Variants in INSL6 observed in about 807,000 individuals in gnomAD.
INSL6 encodes the protein insulin like 6.
Under a neutral mutation model 9.4 loss-of-function variants are expected in INSL6, and 16 were observed. The ratio of observed to expected loss-of-function variants is 1.70; its 90% CI spans 1.15 to 2.59. INSL6 has a LOEUF of 2.59. Among genes scored for constraint, INSL6 ranks in the 30% most tolerant of loss-of-function variants. The probability of loss-of-function intolerance (pLI) is 0.00; values close to 1 mark genes in which losing one functional copy is unlikely to be tolerated. For missense variants in INSL6, 391 were observed against 257.3 expected (o/e 1.52, Z -3.56); for synonymous variants, 154 against 96.9 (o/e 1.59, Z -3.46).
intron 1 of INSL6, among the ~76,000 whole-genome samples, chr9:5,171,561 A>T (rs1277800413): frequency 6.6e-6 from 1 of 152,248 alleles, no homozygotes; most frequent in East Asian, 1.9e-4. Flanking sequence ...TGCAGATGAC[A>T]TGCAAACATA....
At chr9:5,091,496 G>A in the INSL6 span, 1 of 152,134 alleles carries the variant, frequency 6.6e-6, no homozygotes, top group Non-Finnish European at 1.5e-5. Flanking sequence ...GTTGATTCAT[G>A]AGGATTTTGT....
the INSL6 span, among the ~76,000 whole-genome samples, chr9:5,101,925 T>TA: frequency 6.6e-6 from 1 of 152,082 alleles, no homozygotes; most frequent in Admixed American, 6.6e-5. Context: ...CAAAAGTAGA[T>TA]AAAACCACAA....
At chr9:5,111,349 C>G in the INSL6 span, 1 of 410,272 alleles carries the variant, frequency 2.4e-6, no homozygotes, top group Non-Finnish European at 4.7e-6. Flanking sequence ...AAGGGGACCT[C>G]CCGGTACTAC....
intron 3 of INSL6, chr9:5,125,858 A>G (rs1290922645): frequency 6.6e-6 from 1 of 151,990 alleles, no homozygotes. Flanking sequence ...AGAGCTGTCT[A>G]TATTGAAAAT....
chr9:5,126,275 G>C (rs1438701733), intron 3 of INSL6: 2 of 1,260,556 alleles, frequency 1.6e-6, no homozygotes, highest in African/African-American at 1.5e-5. Context: ...AGGAAATTGA[G>C]AAAGAATTTT....
At chr9:5,081,968 G>GA in the INSL6 span, 67 of 869,080 alleles carry the variant, frequency 7.7e-5, no homozygotes, top group Non-Finnish European at 9.1e-5. Context: ...AGTGCTTGTA[G>GA]AAAAAAAAGG....
At chr9:5,150,700 C>T (rs1176434797) in intron 2 of INSL6, among the ~76,000 whole-genome samples, 2 of 152,048 alleles carry the variant, frequency 1.3e-5, no homozygotes, top group Admixed American at 6.5e-5. Context: ...CTATTTAATC[C>T]AGCAAACTCA....
chr9:4,993,686 A>C, the INSL6 span, among the ~76,000 whole-genome samples: 1 of 152,160 alleles, frequency 6.6e-6, no homozygotes. Context: ...GGCTCCCATG[A>C]AGTTTCCTCA....
At chr9:5,095,407 C>G in the INSL6 span, among the ~76,000 whole-genome samples, 1 of 152,160 alleles carries the variant, frequency 6.6e-6, no homozygotes, top group East Asian at 1.9e-4. Context: ...CAAATATTTT[C>G]TTACACAAGC....
chr9:5,080,472 A>G, the INSL6 span: 9 of 1,539,142 alleles, frequency 5.8e-6, no homozygotes, highest in East Asian at 9.1e-5. Flanking sequence ...ATCTAATTTT[A>G]AAAAGAAGGT....
chr9:5,182,601 G>T (rs1457812624), intron 1 of INSL6, among the ~76,000 whole-genome samples: 1 of 151,880 alleles, frequency 6.6e-6, no homozygotes, highest in Non-Finnish European at 1.5e-5. Context: ...TATATAAAGA[G>T]AAGGGCCCTT....
At chr9:5,050,944 C>G in the INSL6 span, 1 of 845,470 alleles carries the variant, frequency 1.2e-6, no homozygotes. Flanking sequence ...TAGTTAAGTA[C>G]TCCTTATCTA....
At chr9:5,120,466 C>A (rs1192066296), downstream of INSL6, among the ~76,000 whole-genome samples, 1 of 152,180 alleles carries the variant, frequency 6.6e-6, no homozygotes, top group Admixed American at 6.5e-5. Flanking sequence ...ACTTTGTTAT[C>A]TATATTGTTT....
At chr9:5,161,075 A>T (rs1389747459), downstream of INSL6, among the ~76,000 whole-genome samples, 3 of 152,118 alleles carry the variant, frequency 2.0e-5, no homozygotes, top group African/African-American at 7.2e-5. Context: ...ATACTTCCAA[A>T]CTCATTCTAT....
chr9:5,148,890 G>A (rs1025081650), intron 2 of INSL6, among the ~76,000 whole-genome samples: 69 of 152,184 alleles, frequency 4.5e-4, no homozygotes, highest in African/African-American at 1.5e-3. Context: ...TACTCCTACA[G>A]GGCAGCCTGG....
At chr9:5,071,508 A>G in the INSL6 span, among the ~76,000 whole-genome samples, 918 of 152,344 alleles carry the variant, frequency 6.0e-3, 39 homozygotes, top group Admixed American at 0.045. Flanking sequence ...AATGATAAAT[A>G]TCCTCATTGA....
At chr9:5,022,842 T>C in the INSL6 span, among the ~76,000 whole-genome samples, 1 of 152,238 alleles carries the variant, frequency 6.6e-6, no homozygotes, top group African/African-American at 2.4e-5. Flanking sequence ...GTTCTTTTAA[T>C]AGAAAGACTA....
the INSL6 span, among the ~76,000 whole-genome samples, chr9:5,012,631 A>G: frequency 1.3e-5 from 2 of 152,200 alleles, no homozygotes; most frequent in Non-Finnish European, 2.9e-5. Context: ...TTTTATGAGC[A>G]TAGCATTAAT....
the INSL6 span, chr9:5,041,732 C>T: frequency 2.0e-6 from 1 of 494,490 alleles, no homozygotes; most frequent in South Asian, 1.5e-5. Flanking sequence ...TCGGGAAGCC[C>T]TTGGCGACCC....
Sources: allele counts gnomAD v4.1 joint callset (sites outside exome capture counted in the v4.1 genomes callset), GRCh38; gene constraint gnomAD v4.1.1; transcripts MANE v1.5; gene names NCBI Gene and HGNC (gene_info 2026-07-23, HGNC 2026-07-21).